Variants in FREM3 observed in about 807,000 individuals in gnomAD.
The protein encoded by FREM3 is FRAS1-related extracellular matrix protein 3.
Under a neutral mutation model 129.1 loss-of-function variants are expected in FREM3, and 105 were observed. That is an observed-to-expected ratio of 0.81 (90% CI 0.69 to 0.96). The LOEUF is 0.96. Among genes scored for constraint, FREM3 ranks in the 40% least tolerant of loss-of-function variants. FREM3 has a pLI of 0.00. For synonymous variants in FREM3, 1,014 were observed against 1,044.9 expected, an observed-to-expected ratio of 0.97 and a Z score of 0.57; for missense variants, 2,593 against 2,666.3, an observed-to-expected ratio of 0.97 and a Z score of 0.61.
intron 2 of FREM3, among the ~76,000 whole-genome samples, chr4:143,680,887 C>A (rs1308498778): frequency 6.6e-6 from 1 of 152,028 alleles, no homozygotes; most frequent in African/African-American, 2.4e-5. Flanking sequence ...TTTTTTAAAT[C>A]TCTTATTAAT....
chr4:143,593,170 A>G (rs570222108), intron 6 of FREM3, among the ~76,000 whole-genome samples: 63 of 152,136 alleles, frequency 4.1e-4, no homozygotes, highest in Non-Finnish European at 7.6e-4. Context: ...CTTCTTTGCC[A>G]TTGGTTCGAA....
intron 2 of FREM3, among the ~76,000 whole-genome samples, chr4:143,667,984 A>G (rs992637624): frequency 2.0e-5 from 3 of 152,256 alleles, no homozygotes; most frequent in African/African-American, 7.2e-5. Context: ...AGATATGACT[A>G]TAGTCAGATA....
chr4:143,583,540 A>T (rs1470724541), intron 7 of FREM3, among the ~76,000 whole-genome samples: 1 of 152,198 alleles, frequency 6.6e-6, no homozygotes, highest in African/African-American at 2.4e-5. Context: ...AAAGAAAAAA[A>T]TATTAAAGGC....
At position 143,698,514 on chromosome 4, in the gene FREM3, G is replaced by A. The variant is rs1740625538; in HGVS notation, c.2162C>T (p.Thr721Ile). Residue 721 changes from threonine (T) to isoleucine (I), a missense_variant, in exon 1 of 8, where the codon ACT becomes ATT. Transcript: ENST00000329798. The part of the protein sequence containing the change: ...LEMTVQEYQL[T>I]HFQKNFLRYI... ...TCGGAGGAAATTCTTCTGGAAGTGA[G>A]TGAGTTGGTATTCTTGTACAGTCAT... 17 of 1,537,564 alleles carry A rather than the reference G, an allele frequency of 1.1e-5. No homozygotes were observed. The highest frequency in any genetic ancestry group is 1.4e-5 in the Non-Finnish European group (16 of 1,147,026).
chr4:143,606,703 C>T (rs144680566), intron 6 of FREM3, among the ~76,000 whole-genome samples: 1 of 152,108 alleles, frequency 6.6e-6, no homozygotes, highest in Non-Finnish European at 1.5e-5. Flanking sequence ...CCACTTAGTA[C>T]ATTTAGCTTC....
chr4:143,692,650 A>AAT (rs754498430), intron 2 of FREM3, among the ~76,000 whole-genome samples: 165 of 152,136 alleles, frequency 1.1e-3, no homozygotes, highest in Non-Finnish European at 2.0e-3. Flanking sequence ...TGCCGGGAGA[A>AAT]ATATATATAT....
intron 6 of FREM3, among the ~76,000 whole-genome samples, chr4:143,606,303 A>T (rs997235451): frequency 1.1e-4 from 16 of 152,220 alleles, no homozygotes; most frequent in Non-Finnish European, 1.8e-4. Context: ...GCATATGAAA[A>T]CATGTTCTTC....
chr4:143,700,376 C>T lies in FREM3; in HGVS notation c.300G>A (p.Leu100=). ...QPGDRCEVTV[L]DALPRLKGAL... ...CGCCCTTGAGCCGCGGCAGGGCGTC[C>T]AGTACCGTGACTTCGCACCGGTCCC... The change falls in exon 1 of 8, where the codon CTG becomes CTA. Residue 100 remains leucine (L), a synonymous_variant. Coordinates refer to ENST00000329798, the MANE Select transcript of FREM3 (RefSeq NM_001168235.2). 6.5e-7 allele frequency: 1 copy of T among 1,535,252 alleles called. No individual in the cohort carries two copies. The highest frequency in any genetic ancestry group is 1.2e-5 in the South Asian group (1 of 83,966).
chr4:143,688,705 C>A (rs543844104), intron 2 of FREM3, among the ~76,000 whole-genome samples: 1 of 152,080 alleles, frequency 6.6e-6, no homozygotes, highest in Non-Finnish European at 1.5e-5. Context: ...GAACAGAGAA[C>A]CCATAAATAG....
chr4:143,592,940 T>G (rs1738393503), intron 6 of FREM3, among the ~76,000 whole-genome samples: 1 of 152,202 alleles, frequency 6.6e-6, no homozygotes, highest in African/African-American at 2.4e-5. Context: ...GCTCGTTTCT[T>G]TTTATTCTTT....
intron 2 of FREM3, among the ~76,000 whole-genome samples, chr4:143,644,456 T>C (rs140111999): frequency 6.4e-4 from 97 of 152,312 alleles, no homozygotes; most frequent in African/African-American, 2.3e-3. Flanking sequence ...TCCTTTACCA[T>C]GTCTCTGGAG....
intron 6 of FREM3, among the ~76,000 whole-genome samples, chr4:143,609,199 G>T (rs1207097842): frequency 6.6e-6 from 1 of 152,064 alleles, no homozygotes; most frequent in Non-Finnish European, 1.5e-5. Flanking sequence ...CACAAGCTTT[G>T]CTGACTCTGT....
chr4:143,623,507 C>T (rs978787519), intron 4 of FREM3, among the ~76,000 whole-genome samples: 1 of 100,010 alleles, frequency 1.0e-5, no homozygotes, highest in South Asian at 4.0e-4. Context: ...CCCCCCCCCC[C>T]ACCATTTAGG....
At chr4:143,618,687 A>G (rs1049935978) in intron 5 of FREM3, among the ~76,000 whole-genome samples, 10 of 152,160 alleles carry the variant, frequency 6.6e-5, no homozygotes, top group Admixed American at 4.6e-4. Flanking sequence ...TGAAGTCAGG[A>G]GTTCGAGACC....
Position 143,627,655 on chromosome 4 carries a change from G to A in FREM3, c.5381C>T (p.Thr1794Ile), listed in dbSNP as rs1356794248. The A allele has an allele frequency of 6.5e-7, 1 of 1,535,762 alleles. No homozygotes were observed. The highest frequency in any genetic ancestry group is 8.7e-7 in the Non-Finnish European group (1 of 1,145,718). The part of the protein sequence containing the change: ...VDEDSTFLEV[T>I]LTRRGYLGET... The stretch of plus-strand genomic sequence containing the variant: ...TCCAAGGTATCCTCTGCGTGTAAGG[G>A]TCACTTCTAAGAATGTGGAATCTTC... Residue 1794 changes from threonine to isoleucine, a missense_variant, in exon 3 of 8, where the codon ACC becomes ATC. Thr to Ile is a moderately conservative substitution (Grantham distance 89). This residue lies in a region of FREM3 where 2,276 missense variants were observed against 2,267.2 expected (regional missense o/e 1.00). Coordinates refer to ENST00000329798, the MANE Select transcript of FREM3 (RefSeq NM_001168235.2).
intron 3 of FREM3, among the ~76,000 whole-genome samples, chr4:143,625,440 G>A (rs998278759): frequency 1.3e-5 from 2 of 152,174 alleles, no homozygotes; most frequent in African/African-American, 4.8e-5. Context: ...GATACCCGAA[G>A]CTATAGAGCC....
intron 3 of FREM3, among the ~76,000 whole-genome samples, chr4:143,626,091 A>C (rs1166488958): frequency 6.6e-6 from 1 of 152,166 alleles, no homozygotes; most frequent in African/African-American, 2.4e-5. Flanking sequence ...TTGGGGTATC[A>C]GAAGGACTTT....
chr4:143,605,915 T>G (rs1434754196), intron 6 of FREM3, among the ~76,000 whole-genome samples: 1 of 152,186 alleles, frequency 6.6e-6, no homozygotes. Flanking sequence ...GATGTTTTCT[T>G]GGGTAGGTTA....
chr4:143,687,476 G>A (rs1345271469), intron 2 of FREM3, among the ~76,000 whole-genome samples: 2 of 152,044 alleles, frequency 1.3e-5, no homozygotes, highest in Non-Finnish European at 2.9e-5. Context: ...TATTCCACAA[G>A]ATAGAGAAAA....
Sources: allele counts gnomAD v4.1 joint callset (sites outside exome capture counted in the v4.1 genomes callset), GRCh38; gene constraint gnomAD v4.1.1; regional missense constraint gnomAD v4.1.1; transcripts MANE v1.5; gene names NCBI Gene and HGNC (gene_info 2026-07-23, HGNC 2026-07-21).